SPAG16: variants seen among roughly 807,000 people sequenced by gnomAD.
SPAG16 encodes sperm associated antigen 16.
A neutral mutation model predicts 80.4 loss-of-function variants in SPAG16; 86 were observed. The ratio of observed to expected loss-of-function variants is 1.07; its 90% CI spans 0.90 to 1.28. The LOEUF (loss-of-function observed/expected upper bound fraction) is 1.28. SPAG16 is among the 50% of genes most tolerant of loss of function. SPAG16 has a pLI of 0.00. For missense variants in SPAG16, 870 were observed against 765.3 expected (o/e 1.14, Z -1.61); for synonymous variants, 294 against 265.9 (o/e 1.11, Z -1.03).
At chr2:214,359,119 A>G (rs757396478) in intron 15 of SPAG16, among the ~76,000 whole-genome samples, 13 of 151,896 alleles carry the variant, frequency 8.6e-5, no homozygotes, top group Non-Finnish European at 1.8e-4. Flanking sequence ...AACAATAGTA[A>G]TAGTAATAAG....
At chr2:214,091,186 C>CATA (rs535708274) in intron 13 of SPAG16, among the ~76,000 whole-genome samples, 106 of 152,006 alleles carry the variant, frequency 7.0e-4, no homozygotes, top group Non-Finnish European at 1.2e-3. Context: ...TTTCCTTGTT[C>CATA]ATAATAATAA....
chr2:214,048,517 C>G (rs988692430), intron 13 of SPAG16, among the ~76,000 whole-genome samples: 14 of 150,652 alleles, frequency 9.3e-5, no homozygotes, highest in African/African-American at 3.4e-4. Context: ...ACAATTGAAC[C>G]TATGGAGATA....
chr2:213,894,962 G>A (rs1276524435), intron 11 of SPAG16, among the ~76,000 whole-genome samples: 3 of 114,376 alleles, frequency 2.6e-5, no homozygotes, highest in Non-Finnish European at 4.9e-5. Flanking sequence ...GCACTCCAGC[G>A]TGGCAACAGA....
chr2:213,435,472 C>T (rs754636629), intron 9 of SPAG16, among the ~76,000 whole-genome samples: 42 of 152,016 alleles, frequency 2.8e-4, no homozygotes, highest in Non-Finnish European at 5.4e-4. Context: ...CTGAAAGGCC[C>T]GACTTCACCT....
At chr2:213,904,585 T>C (rs955428539) in intron 11 of SPAG16, among the ~76,000 whole-genome samples, 1 of 57,202 alleles carries the variant, frequency 1.7e-5, no homozygotes, top group Non-Finnish European at 3.2e-5. Flanking sequence ...TATCAATTAA[T>C]AAGGATAAAT....
intron 14 of SPAG16, among the ~76,000 whole-genome samples, chr2:214,111,853 T>C (rs1213254290): frequency 1.3e-5 from 2 of 152,162 alleles, no homozygotes; most frequent in Non-Finnish European, 2.9e-5. Flanking sequence ...CCCTTGTGAG[T>C]TGGATTCCTA....
chr2:214,355,978 C>G (rs1280085600), intron 15 of SPAG16, among the ~76,000 whole-genome samples: 1 of 131,528 alleles, frequency 7.6e-6, no homozygotes, highest in Non-Finnish European at 1.5e-5. Context: ...ACAATGAGAA[C>G]ACATGGACAC....
chr2:213,463,869 T>C (rs1342463047), intron 9 of SPAG16, among the ~76,000 whole-genome samples: 2 of 152,216 alleles, frequency 1.3e-5, no homozygotes, highest in African/African-American at 4.8e-5. Flanking sequence ...CAGCAGCTTC[T>C]TCACTCCCAT....
At chr2:214,279,333 G>A (rs1692719001) in intron 15 of SPAG16, among the ~76,000 whole-genome samples, 1 of 152,100 alleles carries the variant, frequency 6.6e-6, no homozygotes. Context: ...TTGACCTTGT[G>A]ATCCGCCCTC....
chr2:213,286,372 G>A (rs761838951), intron 1 of SPAG16, among the ~76,000 whole-genome samples: 1 of 152,096 alleles, frequency 6.6e-6, no homozygotes, highest in South Asian at 2.1e-4. Context: ...CCATGCTGAG[G>A]GAAGAGGTTT....
intron 5 of SPAG16, among the ~76,000 whole-genome samples, chr2:213,332,010 A>C (rs2064129661): frequency 6.6e-6 from 1 of 152,158 alleles, no homozygotes; most frequent in African/African-American, 2.4e-5. Context: ...ACCTAACCCA[A>C]GATTAGTATA....
At chr2:213,939,668 A>T (rs2079121632) in intron 12 of SPAG16, among the ~76,000 whole-genome samples, 2 of 152,224 alleles carry the variant, frequency 1.3e-5, no homozygotes, top group South Asian at 4.1e-4. Flanking sequence ...TTCACATGAA[A>T]AGAAAACTTT....
intron 13 of SPAG16, among the ~76,000 whole-genome samples, chr2:214,063,140 C>T (rs185755426): frequency 1.3e-5 from 2 of 152,008 alleles, no homozygotes; most frequent in Admixed American, 1.3e-4. Context: ...ATACTAATAG[C>T]ACATCTTAAA....
At chr2:213,507,014 G>A (rs1014652804) in intron 10 of SPAG16, among the ~76,000 whole-genome samples, 1 of 152,172 alleles carries the variant, frequency 6.6e-6, no homozygotes, top group African/African-American at 2.4e-5. Flanking sequence ...TTTCCTGCAA[G>A]CTTAGGCAAA....
In SPAG16 at chr2:213,929,983, G is replaced by GTAAATTA; in HGVS notation, c.1239_1240insAAATTAT (p.Gly414LysfsTer4). On this transcript the variant is annotated frameshift_variant, in exon 12 of 16. Coordinates refer to ENST00000331683, the MANE Select transcript of SPAG16 (RefSeq NM_024532.5). LOFTEE classifies it high-confidence loss of function. Reference sequence around the variant, plus strand: ...AGTGGCGACAAATTGGCTACTTCAAGTGGTGACACTACAGTTAAATTATGG... The same window carrying GTAAATTA: ...AGTGGCGACAAATTGGCTACTTCAAGTAAATTATGGTGACACTACAGTTAAATTATGG... The GTAAATTA allele has an allele frequency of 6.2e-7, 1 of 1,610,268 alleles. No individual in the cohort carries two copies. The highest frequency in any genetic ancestry group is 8.5e-7 in the Non-Finnish European group (1 of 1,178,774).
At chr2:213,507,913 G>T (rs1460195704) in intron 10 of SPAG16, among the ~76,000 whole-genome samples, 3 of 152,206 alleles carry the variant, frequency 2.0e-5, no homozygotes, top group African/African-American at 7.2e-5. Flanking sequence ...TGTATGGTAA[G>T]AGACAGCAGT....
At chr2:213,627,608 A>G (rs2062004968) in intron 10 of SPAG16, among the ~76,000 whole-genome samples, 1 of 152,192 alleles carries the variant, frequency 6.6e-6, no homozygotes. Flanking sequence ...TTACCACACT[A>G]TGAACTCCTG....
chr2:213,969,333 T>G (rs905973036), intron 12 of SPAG16, among the ~76,000 whole-genome samples: 2 of 152,134 alleles, frequency 1.3e-5, no homozygotes, highest in African/African-American at 4.8e-5. Context: ...TAATATCAAA[T>G]GGCAATAGGA....
intron 11 of SPAG16, among the ~76,000 whole-genome samples, chr2:213,863,603 G>A (rs779558954): frequency 4.6e-5 from 7 of 151,678 alleles, no homozygotes; most frequent in South Asian, 2.1e-4. Flanking sequence ...AGTGTATTCC[G>A]TATCCAGTAT....
Sources: allele counts gnomAD v4.1 joint callset (sites outside exome capture counted in the v4.1 genomes callset), GRCh38; gene constraint gnomAD v4.1.1; transcripts MANE v1.5; gene names NCBI Gene and HGNC (gene_info 2026-07-23, HGNC 2026-07-21).